The following ZRSR2 variants were observed in gnomAD, a reference collection of about 807,000 sequenced individuals.
ZRSR2 encodes zinc finger CCCH-type, RNA binding motif and serine/arginine rich 2, also known as U2 small nuclear ribonucleoprotein auxiliary factor 35 kDa subunit-related protein 2.
Under a neutral mutation model 39.4 loss-of-function variants are expected in ZRSR2, and 3 were observed. The observed-to-expected ratio is 0.08, with a 90% CI of 0.03 to 0.20. ZRSR2 has a LOEUF of 0.20. Among genes scored for constraint, ZRSR2 ranks in the 10% least tolerant of loss-of-function variants. The pLI is 1.00. For missense variants in ZRSR2, 256 were observed against 391.5 expected (o/e 0.65, Z 2.92); for synonymous variants, 137 against 136.0 (o/e 1.01, Z -0.05).
chrX:15,801,370 A>G (rs1487760690), intron 3 of ZRSR2: 2 of 295,300 alleles, frequency 6.8e-6, no homozygotes, highest in Admixed American at 3.5e-5. Flanking sequence ...CCGGGATTAC[A>G]GGCACGCACC....
chrX:15,809,382 C>G, intron 7 of ZRSR2, 64 bp downstream of exon 7: 1 of 824,905 alleles, frequency 1.2e-6, no homozygotes, highest in East Asian at 3.2e-5. Flanking sequence ...TTTTGAGTTC[C>G]CCTTTTGGGA....
At chrX:15,815,095 C>G (rs991132411) in intron 7 of ZRSR2, among the ~76,000 whole-genome samples, 2 of 111,740 alleles carry the variant, frequency 1.8e-5, no homozygotes, top group Non-Finnish European at 3.8e-5. Flanking sequence ...TCCTGAACTT[C>G]ATTCAAAGGC....
At chrX:15,804,270 T>G in intron 5 of ZRSR2, 73 bp downstream of exon 5, 2 of 1,095,026 alleles carry the variant, frequency 1.8e-6, no homozygotes, top group Non-Finnish European at 2.4e-6. Context: ...AGTTTGGGTT[T>G]TTTTTTTCTC....
chrX:15,808,147 T>G, intron 5 of ZRSR2, 86 bp from the exon 6 acceptor site: 3 of 817,652 alleles, frequency 3.7e-6, no homozygotes, highest in Non-Finnish European at 5.6e-6. Flanking sequence ...TTTTAATTGT[T>G]CCACTTGAGA....
intron 3 of ZRSR2, chrX:15,801,940 A>T (rs111806369): frequency 5.4e-5 from 6 of 112,073 alleles, no homozygotes; most frequent in African/African-American, 1.9e-4. Flanking sequence ...AAATTTTAAA[A>T]TTTTTAACAT....
intron 2 of ZRSR2, among the ~76,000 whole-genome samples, chrX:15,798,820 TC>T (rs1932565718): frequency 8.9e-6 from 1 of 111,876 alleles, no homozygotes. Context: ...GTTGTAAACT[TC>T]TTATTGCATA....
At chrX:15,808,006 C>T (rs191416918) in intron 5 of ZRSR2, among the ~76,000 whole-genome samples, 1 of 108,158 alleles carries the variant, frequency 9.2e-6, no homozygotes, top group Admixed American at 1.0e-4. Context: ...CGCCACTGCA[C>T]TCCAGCCTGG....
chrX:15,795,096 C>T (rs371881647), intron 2 of ZRSR2, among the ~76,000 whole-genome samples: 1 of 88,382 alleles, frequency 1.1e-5, no homozygotes, highest in Non-Finnish European at 2.2e-5. Flanking sequence ...TTTCCCCCCC[C>T]CCCATATTTA....
At chrX:15,809,370 G>A (rs1932846086) in intron 7 of ZRSR2, 52 bp downstream of exon 7, 2 of 898,437 alleles carry the variant, frequency 2.2e-6, no homozygotes, top group Non-Finnish European at 3.2e-6. Flanking sequence ...AAATGCTGAC[G>A]TTTTTGAGTT....
At chrX:15,817,296 C>G (rs950561527) in intron 8 of ZRSR2, among the ~76,000 whole-genome samples, 10 of 111,592 alleles carry the variant, frequency 9.0e-5, no homozygotes, top group African/African-American at 3.3e-4. Flanking sequence ...ATTCCCGAGG[C>G]CTTTTATTCT....
intron 7 of ZRSR2, among the ~76,000 whole-genome samples, chrX:15,811,721 C>T (rs1932886313): frequency 9.1e-6 from 1 of 109,866 alleles, no homozygotes; most frequent in African/African-American, 3.3e-5. Context: ...CCACTGCTCC[C>T]GGCCTAATTC....
At chrX:15,817,787 G>GA (rs767714136) in intron 8 of ZRSR2, among the ~76,000 whole-genome samples, 2 of 111,166 alleles carry the variant, frequency 1.8e-5, no homozygotes, top group African/African-American at 6.5e-5. Flanking sequence ...GTTTGTGGAT[G>GA]AAAAATTGGA....
At chrX:15,803,652 C>A in intron 3 of ZRSR2, 36 bp from the exon 4 acceptor site, 4 of 1,168,971 alleles carry the variant, frequency 3.4e-6, no homozygotes, top group Non-Finnish European at 4.6e-6. Context: ...GATTAATGCC[C>A]ATTTCTTTTA....
chrX:15,798,820 T>A (rs1468143815), intron 2 of ZRSR2, among the ~76,000 whole-genome samples: 1 of 111,822 alleles, frequency 8.9e-6, no homozygotes, highest in Non-Finnish European at 1.9e-5. Context: ...GTTGTAAACT[T>A]CTTATTGCAT....
chrX:15,811,330 T>C (rs1172323140), intron 7 of ZRSR2, among the ~76,000 whole-genome samples: 2 of 111,942 alleles, frequency 1.8e-5, no homozygotes, highest in Non-Finnish European at 3.8e-5. Flanking sequence ...AAATTGCATT[T>C]AAGGTTTTCC....
chrX:15,791,729 T>A (rs1309442618), intron 2 of ZRSR2, among the ~76,000 whole-genome samples: 2 of 103,541 alleles, frequency 1.9e-5, no homozygotes, highest in African/African-American at 7.1e-5. Flanking sequence ...CGATCTTGGC[T>A]CACTGCAGCC....
intron 2 of ZRSR2, among the ~76,000 whole-genome samples, chrX:15,791,450 A>T (rs1028965286): frequency 9.0e-6 from 1 of 111,373 alleles, no homozygotes; most frequent in Non-Finnish European, 1.9e-5. Context: ...ATTCAAATAT[A>T]TATCAACATA....
intron 5 of ZRSR2, among the ~76,000 whole-genome samples, chrX:15,805,163 T>C (rs1190361240): frequency 1.8e-5 from 2 of 112,402 alleles, no homozygotes; most frequent in East Asian, 2.8e-4. Flanking sequence ...TCCACGATCT[T>C]TGTTTTTTGT....
chrX:15,807,837 C>T (rs774730715), intron 5 of ZRSR2, among the ~76,000 whole-genome samples: 1 of 108,115 alleles, frequency 9.2e-6, no homozygotes, highest in African/African-American at 3.4e-5. Context: ...CTCAGGAGTT[C>T]GAGACTAGCC....
Sources: gnomAD v4.1 joint callset for allele counts (sites outside exome capture counted in the v4.1 genomes callset) on GRCh38, gnomAD v4.1.1 for gene constraint, MANE v1.5 for transcripts, NCBI Gene and HGNC (gene_info 2026-07-23, HGNC 2026-07-21) for gene names.